Variants in PDE1C observed in about 807,000 individuals in gnomAD.
PDE1C encodes phosphodiesterase 1C, also known as dual specificity calcium/calmodulin-dependent 3',5'-cyclic nucleotide phosphodiesterase 1C.
Under a neutral mutation model 93.1 loss-of-function variants are expected in PDE1C, and 62 were observed. That is an observed-to-expected ratio of 0.67 (90% confidence interval 0.54 to 0.82). PDE1C has a LOEUF of 0.82. Among genes scored for constraint, PDE1C ranks in the 40% least tolerant of loss-of-function variants. The pLI, the probability that PDE1C is intolerant of heterozygous loss-of-function variation, is 0.00. For synonymous variants in PDE1C, 325 were observed against 310.1 expected (o/e 1.05, Z -0.50); for missense variants, 742 against 884.6 (o/e 0.84, Z 2.04).
At chr7:32,234,172 C>T (rs892243529) in intron 1 of PDE1C, among the ~76,000 whole-genome samples, 2 of 151,732 alleles carry the variant, frequency 1.3e-5, no homozygotes, top group African/African-American at 4.8e-5. Context: ...AAAATTATAA[C>T]ATCAAATATT....
At chr7:32,088,663 G>T (rs1279699008) in intron 3 of PDE1C, among the ~76,000 whole-genome samples, 1 of 152,232 alleles carries the variant, frequency 6.6e-6, no homozygotes, top group Non-Finnish European at 1.5e-5. Context: ...CAAAGCAGAG[G>T]AAAATCCCTC....
intron 9 of PDE1C, among the ~76,000 whole-genome samples, chr7:31,845,262 G>A (rs1267512868): frequency 6.6e-6 from 1 of 152,098 alleles, no homozygotes; most frequent in Non-Finnish European, 1.5e-5. Flanking sequence ...ATCCTAGAGT[G>A]TGTATCTATT....
At chr7:32,114,300 G>A (rs1176815428) in intron 3 of PDE1C, among the ~76,000 whole-genome samples, 1 of 152,026 alleles carries the variant, frequency 6.6e-6, no homozygotes, top group East Asian at 1.9e-4. Flanking sequence ...CAGAACAGAG[G>A]CCTCAGAAAT....
chr7:32,037,717 G>A (rs1791292952), intron 2 of PDE1C, among the ~76,000 whole-genome samples: 1 of 151,940 alleles, frequency 6.6e-6, no homozygotes, highest in Non-Finnish European at 1.5e-5. Flanking sequence ...TACCTGTCTG[G>A]GTCCTATATC....
intron 2 of PDE1C, among the ~76,000 whole-genome samples, chr7:31,889,843 C>A (rs567790215): frequency 5.9e-5 from 9 of 152,302 alleles, no homozygotes; most frequent in Non-Finnish European, 8.8e-5. Flanking sequence ...TGTTCCTTTG[C>A]ACTTCTTATC....
intron 3 of PDE1C, among the ~76,000 whole-genome samples, chr7:32,150,839 A>G (rs539383946): frequency 6.6e-6 from 1 of 152,296 alleles, no homozygotes; most frequent in African/African-American, 2.4e-5. Flanking sequence ...GCCTAGCTCC[A>G]TGCTGAGCTT....
intron 3 of PDE1C, among the ~76,000 whole-genome samples, chr7:32,124,349 A>C (rs1330612193): frequency 6.6e-6 from 1 of 152,202 alleles, no homozygotes; most frequent in Admixed American, 6.5e-5. Flanking sequence ...ATTAGAAAAA[A>C]ATACTTTAAA....
chr7:32,078,428 G>T (rs1389670700), intron 3 of PDE1C, among the ~76,000 whole-genome samples: 1 of 152,166 alleles, frequency 6.6e-6, no homozygotes, highest in Non-Finnish European at 1.5e-5. Flanking sequence ...AAAAGCATAG[G>T]CTGTTGGTAA....
the PDE1C span, among the ~76,000 whole-genome samples, chr7:31,668,401 T>A: frequency 6.6e-6 from 1 of 151,934 alleles, no homozygotes; most frequent in South Asian, 2.1e-4. Context: ...CTCATAATAA[T>A]CAAAGAGTAG....
intron 1 of PDE1C, among the ~76,000 whole-genome samples, chr7:32,291,493 G>A (rs1455863968): frequency 6.6e-6 from 1 of 152,234 alleles, no homozygotes. Context: ...CTGATAGTTA[G>A]CATATAGGTG....
chr7:32,194,454 A>G (rs1804467943), intron 2 of PDE1C, among the ~76,000 whole-genome samples: 1 of 152,226 alleles, frequency 6.6e-6, no homozygotes, highest in Admixed American at 6.5e-5. Context: ...AACAGATTCT[A>G]CTTTACATAT....
intron 1 of PDE1C, among the ~76,000 whole-genome samples, chr7:32,062,166 A>T (rs1354218760): frequency 4.6e-5 from 7 of 152,108 alleles, no homozygotes; most frequent in African/African-American, 1.7e-4. Context: ...TTCCTCCCTT[A>T]GTGATCCTAA....
In PDE1C at chr7:31,862,759, T is replaced by C. The variant is rs180936992; in HGVS notation, c.750+2183A>G. On this transcript the variant is annotated intron_variant, in intron 7 of 17. Transcript: ENST00000396191. ...GAGAACACAAACATTCAGTCTATAG[T>C]ATCCCATAATAAAGGACCCAGCATA... Among the ~76,000 whole-genome samples, 198 of 152,322 alleles carry C rather than the reference T, an allele frequency of 1.3e-3. 5 individuals carry two copies. Among genetic ancestry groups the C allele is most frequent in the African/African-American group, 4.6e-3 (191 of 41,574 alleles).
At chr7:32,389,904 A>G (rs986381178) in intron 1 of PDE1C, among the ~76,000 whole-genome samples, 1 of 152,172 alleles carries the variant, frequency 6.6e-6, no homozygotes, top group Non-Finnish European at 1.5e-5. Flanking sequence ...TTCCCATTCA[A>G]TTCCAACTGA....
the PDE1C span, among the ~76,000 whole-genome samples, chr7:31,670,858 G>A: frequency 6.6e-6 from 1 of 152,124 alleles, no homozygotes; most frequent in African/African-American, 2.4e-5. Flanking sequence ...GGATCCACTG[G>A]CAGCAGAGAG....
chr7:31,944,332 AACAG>A (rs1806292303), intron 2 of PDE1C, among the ~76,000 whole-genome samples: 1 of 152,184 alleles, frequency 6.6e-6, no homozygotes, highest in Non-Finnish European at 1.5e-5. Flanking sequence ...CTGAGCACAG[AACAG>A]ACATTGTCCA....
chr7:31,773,774 A>C (rs1433858469), intron 17 of PDE1C, among the ~76,000 whole-genome samples: 1 of 152,144 alleles, frequency 6.6e-6, no homozygotes. Flanking sequence ...ATACCCAGTA[A>C]GTGCCTGTCA....
chr7:31,643,983 G>T, the PDE1C span: 2 of 1,567,868 alleles, frequency 1.3e-6, no homozygotes, highest in South Asian at 1.2e-5. Context: ...AAGATGGAAA[G>T]GCAGATGCAC....
At chr7:31,822,925 T>C (rs578134535) in intron 14 of PDE1C, 148 bp downstream of exon 14, 3 of 652,166 alleles carry the variant, frequency 4.6e-6, no homozygotes, top group East Asian at 2.7e-5. Context: ...TTCGTAGATA[T>C]TATGAAGATC....
Sources: gnomAD v4.1 joint callset for allele counts (sites outside exome capture counted in the v4.1 genomes callset) on GRCh38, gnomAD v4.1.1 for gene constraint, MANE v1.5 for transcripts, NCBI Gene and HGNC (gene_info 2026-07-23, HGNC 2026-07-21) for gene names.